ARHGAP26: variants seen among roughly 807,000 people sequenced by gnomAD.
ARHGAP26 encodes Rho GTPase activating protein 26, also known as rho GTPase-activating protein 26.
A neutral mutation model predicts 104.8 loss-of-function variants in ARHGAP26; 38 were observed. That is an observed-to-expected ratio of 0.36 (90% CI 0.28 to 0.48). The LOEUF is 0.48. Ranked by LOEUF, ARHGAP26 falls within the 20% of genes least tolerant of loss-of-function variation. The pLI, the probability that ARHGAP26 is intolerant of heterozygous loss-of-function variation, is 0.99. For synonymous variants in ARHGAP26, 341 were observed against 340.0 expected (o/e 1.00, Z -0.03); for missense variants, 704 against 947.9 (o/e 0.74, Z 3.38).
At chr5:143,194,596 G>C (rs1806488626) in intron 20 of ARHGAP26, among the ~76,000 whole-genome samples, 1 of 151,962 alleles carries the variant, frequency 6.6e-6, no homozygotes, top group Admixed American at 6.6e-5. Flanking sequence ...AATTTTGTGA[G>C]ATCAGAATTG....
At chr5:142,868,940 A>G (rs549726795) in intron 1 of ARHGAP26, 2 of 152,742 alleles carry the variant, frequency 1.3e-5, no homozygotes, top group Non-Finnish European at 2.9e-5. Context: ...TTGGAGGGAC[A>G]CTGTGTCCAG....
At chr5:143,146,236 A>G (rs1799140032) in intron 19 of ARHGAP26, among the ~76,000 whole-genome samples, 2 of 152,218 alleles carry the variant, frequency 1.3e-5, no homozygotes, top group Admixed American at 1.3e-4. Context: ...CCATTTAGCT[A>G]AATTATCTCC....
At chr5:142,821,857 C>A (rs150991876) in intron 1 of ARHGAP26, among the ~76,000 whole-genome samples, 1 of 152,060 alleles carries the variant, frequency 6.6e-6, no homozygotes, top group African/African-American at 2.4e-5. Flanking sequence ...TTGCCCCTTA[C>A]GTATTGGTGC....
At chr5:143,136,889 A>G (rs1398901891) in intron 19 of ARHGAP26, among the ~76,000 whole-genome samples, 1 of 152,228 alleles carries the variant, frequency 6.6e-6, no homozygotes, top group Non-Finnish European at 1.5e-5. Context: ...AATTTGTGAA[A>G]AAAGGTATAT....
chr5:143,095,583 C>G (rs1489411774), intron 17 of ARHGAP26, among the ~76,000 whole-genome samples: 1 of 152,120 alleles, frequency 6.6e-6, no homozygotes, highest in Non-Finnish European at 1.5e-5. Flanking sequence ...TGGAAGATGA[C>G]TGGATAAATC....
At chr5:142,809,918 A>G (rs1052925383) in intron 1 of ARHGAP26, among the ~76,000 whole-genome samples, 1 of 152,200 alleles carries the variant, frequency 6.6e-6, no homozygotes, top group African/African-American at 2.4e-5. Flanking sequence ...TGGATCTTAC[A>G]TTGGACTGGT....
At chr5:143,171,876 G>C (rs1233957736) in intron 20 of ARHGAP26, among the ~76,000 whole-genome samples, 1 of 152,096 alleles carries the variant, frequency 6.6e-6, no homozygotes, top group Admixed American at 6.5e-5. Flanking sequence ...CCCATTTACT[G>C]TTAGGTTTGC....
At chr5:143,175,974 C>T (rs559143884) in intron 20 of ARHGAP26, among the ~76,000 whole-genome samples, 166 of 152,138 alleles carry the variant, frequency 1.1e-3, no homozygotes, top group Admixed American at 1.8e-3. Context: ...ATTAGCCGGG[C>T]GTGGTGGTGT....
At chr5:143,142,049 C>T (rs192913904) in intron 19 of ARHGAP26, among the ~76,000 whole-genome samples, 19 of 150,992 alleles carry the variant, frequency 1.3e-4, no homozygotes, top group South Asian at 4.2e-4. Flanking sequence ...AATCAGAAGT[C>T]GTTTTGCTGA....
At chr5:143,208,514 A>G (rs1323677820) in intron 21 of ARHGAP26, among the ~76,000 whole-genome samples, 1 of 152,238 alleles carries the variant, frequency 6.6e-6, no homozygotes, top group Non-Finnish European at 1.5e-5. Context: ...GCACTTACAC[A>G]TCTATCATTT....
intron 11 of ARHGAP26, among the ~76,000 whole-genome samples, chr5:142,937,353 T>C (rs1428075934): frequency 6.6e-6 from 1 of 152,188 alleles, no homozygotes; most frequent in Non-Finnish European, 1.5e-5. Flanking sequence ...CACTATGAAC[T>C]ATCACCTTCT....
chr5:143,197,978 G>C (rs575980476), intron 20 of ARHGAP26, among the ~76,000 whole-genome samples: 1 of 152,294 alleles, frequency 6.6e-6, no homozygotes, highest in African/African-American at 2.4e-5. Context: ...TGTACATCCA[G>C]TTCCCCACTC....
chr5:143,158,151 G>A (rs991697967), intron 20 of ARHGAP26, among the ~76,000 whole-genome samples: 29 of 152,154 alleles, frequency 1.9e-4, no homozygotes, highest in African/African-American at 6.7e-4. Flanking sequence ...CAAACCCCTA[G>A]TGTTGATTTC....
At chr5:142,840,515 C>T (rs1032087373) in intron 1 of ARHGAP26, among the ~76,000 whole-genome samples, 5 of 152,162 alleles carry the variant, frequency 3.3e-5, no homozygotes, top group African/African-American at 9.7e-5. Flanking sequence ...AGGTTCTACT[C>T]TTATGAACCT....
chr5:143,039,303 G>A (rs1023758859), intron 13 of ARHGAP26, among the ~76,000 whole-genome samples: 2 of 151,922 alleles, frequency 1.3e-5, no homozygotes, highest in Non-Finnish European at 2.9e-5. Flanking sequence ...GGCCTCACAG[G>A]TTCAAGCGAT....
At chr5:142,789,079 T>C (rs1199768747) in intron 1 of ARHGAP26, among the ~76,000 whole-genome samples, 1 of 152,214 alleles carries the variant, frequency 6.6e-6, no homozygotes, top group Non-Finnish European at 1.5e-5. Flanking sequence ...CTGCTGACTA[T>C]AAATTGTTAG....
intron 17 of ARHGAP26, among the ~76,000 whole-genome samples, chr5:143,098,848 A>G (rs1289751600): frequency 6.6e-6 from 1 of 151,894 alleles, no homozygotes; most frequent in Admixed American, 6.6e-5. Context: ...AACATTCAAT[A>G]AATAGGGTTA....
At position 143,058,619 on chromosome 5, in the gene ARHGAP26, T is replaced by A. The variant is rs564143371; in HGVS notation, c.1538+872T>A. Among the ~76,000 whole-genome samples the A allele has an allele frequency of 6.0e-4, 91 of 152,390 alleles. 1 individual carries two copies. In the South Asian group the frequency reaches 0.018, roughly 31 times the overall value. ...TATTAAACCCTACATTCTATTGAAC[T>A]GATGTGTTATAAATTTGGCCCTTAT... On this transcript the variant is annotated intron_variant, in intron 17 of 22. Coordinates refer to ENST00000645722, the MANE Select transcript of ARHGAP26 (RefSeq NM_001135608.3).
At chr5:142,847,349 AG>A (rs1772195222) in intron 1 of ARHGAP26, among the ~76,000 whole-genome samples, 2 of 151,744 alleles carry the variant, frequency 1.3e-5, no homozygotes, top group African/African-American at 4.8e-5. Flanking sequence ...AATACAGCAA[AG>A]GATGGAGATG....
Sources: gnomAD v4.1 joint callset for allele counts (sites outside exome capture counted in the v4.1 genomes callset) on GRCh38, gnomAD v4.1.1 for gene constraint, MANE v1.5 for transcripts, NCBI Gene and HGNC (gene_info 2026-07-23, HGNC 2026-07-21) for gene names.